CEP128: variants seen among roughly 807,000 people sequenced by gnomAD.
CEP128 encodes the protein centrosomal protein 128kDa.
CEP128 carries 132 observed loss-of-function variants against 156.7 expected under a neutral mutation model. That is an observed-to-expected ratio of 0.84 (90% CI 0.73 to 0.97). The LOEUF is 0.97. Ranked by LOEUF, CEP128 falls within the 50% of genes least tolerant of loss-of-function variation. CEP128 has a pLI of 0.00. For synonymous variants in CEP128, 469 were observed against 448.9 expected (o/e 1.04, Z -0.57); for missense variants, 1,252 against 1,281.9 (o/e 0.98, Z 0.36).
At position 80,833,532 on chromosome 14, in the gene CEP128, G is replaced by A. The variant is rs534017267; in HGVS notation, c.1058-2238C>T. On this transcript the variant is annotated intron_variant, in intron 12 of 24. Transcript: ENST00000555265. Reference sequence around the variant, plus strand: ...CTCCATTTTGGAGAATGCTTGGTCAGTATAGGATAGCAGTTAAGATCTCAA... The same window carrying A: ...CTCCATTTTGGAGAATGCTTGGTCAATATAGGATAGCAGTTAAGATCTCAA... 2.6e-5 allele frequency among the ~76,000 whole-genome samples: 4 copies of A among 152,052 alleles called. No individual in the cohort carries two copies. In the South Asian group the frequency reaches 6.2e-4, roughly 24 times the overall value.
intron 20 of CEP128, among the ~76,000 whole-genome samples, chr14:80,563,206 C>T (rs545313457): frequency 6.6e-6 from 1 of 152,182 alleles, no homozygotes; most frequent in Admixed American, 6.5e-5. Flanking sequence ...TCCCTGAACC[C>T]CACTCTCAAC....
At chr14:80,479,710 A>G (rs888947599) in intron 14 of CEP128, among the ~76,000 whole-genome samples, 1 of 152,066 alleles carries the variant, frequency 6.6e-6, no homozygotes, top group Non-Finnish European at 1.5e-5. Flanking sequence ...TTCAAAACCA[A>G]TCATGCTTTC....
intron 16 of CEP128, among the ~76,000 whole-genome samples, chr14:80,764,363 G>A (rs1366015664): frequency 6.6e-6 from 1 of 152,012 alleles, no homozygotes; most frequent in Non-Finnish European, 1.5e-5. Flanking sequence ...GCCGGGCGCG[G>A]TGGCAGGCGC....
intron 24 of CEP128, among the ~76,000 whole-genome samples, chr14:80,500,348 T>C (rs762727651): frequency 6.6e-6 from 1 of 152,194 alleles, no homozygotes; most frequent in Non-Finnish European, 1.5e-5. Context: ...AGTAAGGAGC[T>C]GACTGTTCTG....
At chr14:80,945,191 T>C (rs1489618252), upstream of CEP128, among the ~76,000 whole-genome samples, 1 of 152,158 alleles carries the variant, frequency 6.6e-6, no homozygotes, top group African/African-American at 2.4e-5. Flanking sequence ...GATCCATCTT[T>C]TCTCTGTATC....
At chr14:80,796,951 G>A (rs189006827) in intron 13 of CEP128, among the ~76,000 whole-genome samples, 313 of 152,316 alleles carry the variant, frequency 2.1e-3, no homozygotes, top group African/African-American at 6.9e-3. Context: ...AGGGAGGATG[G>A]AAATGAGCTG....
chr14:80,926,507 C>G (rs1421573549), intron 2 of CEP128, among the ~76,000 whole-genome samples: 1 of 152,184 alleles, frequency 6.6e-6, no homozygotes. Flanking sequence ...TGCACTCAAA[C>G]GTGGGGAGCC....
chr14:80,651,500 T>A (rs1337850092), intron 19 of CEP128, among the ~76,000 whole-genome samples: 1 of 152,124 alleles, frequency 6.6e-6, no homozygotes, highest in Non-Finnish European at 1.5e-5. Flanking sequence ...TTCTTTTAAT[T>A]GTGATGTTAG....
upstream of CEP128, among the ~76,000 whole-genome samples, chr14:80,943,298 T>A (rs992787436): frequency 6.6e-6 from 1 of 152,214 alleles, no homozygotes; most frequent in South Asian, 2.1e-4. Context: ...AATAAATGAT[T>A]ACAAATCTCT....
rs369229852 is a variant in CEP128 at position 80,895,735 on chromosome 14, C to T, written c.628G>A (p.Ala210Thr). The change falls in exon 8 of 25, where the codon GCC becomes ACC. Residue 210 changes from alanine to threonine, a missense_variant. Coordinates refer to ENST00000555265, the MANE Select transcript of CEP128 (RefSeq NM_152446.5). The part of the protein sequence containing the change: ...LEELTEKLNE[A>T]QKQEVVSDRV... ...GATCTCACCACTTCTTGTTTCTGGG[C>T]TTCATTAAGTTTTTCAGTCAATTCT... 8.3e-6 allele frequency: 13 copies of T among 1,567,748 alleles called. No homozygotes were observed. The highest frequency in any genetic ancestry group is 1.1e-5 in the Non-Finnish European group (13 of 1,157,230).
intron 21 of CEP128, among the ~76,000 whole-genome samples, chr14:80,532,396 G>A (rs1297493253): frequency 6.6e-6 from 1 of 152,034 alleles, no homozygotes; most frequent in South Asian, 2.1e-4. Context: ...TATTTTCTCA[G>A]TTAACTTTCC....
intron 8 of CEP128, among the ~76,000 whole-genome samples, chr14:80,891,107 T>C (rs1176032079): frequency 6.6e-6 from 1 of 152,130 alleles, no homozygotes; most frequent in East Asian, 1.9e-4. Context: ...TTGATGGGAA[T>C]GTAAATTAGT....
chr14:80,944,305 T>C (rs1403265575), upstream of CEP128, among the ~76,000 whole-genome samples: 3 of 152,234 alleles, frequency 2.0e-5, no homozygotes, highest in Non-Finnish European at 4.4e-5. Flanking sequence ...CCCCACATGT[T>C]GGGGGAGGAA....
chr14:80,613,007 ATTT>A (rs66946967), intron 19 of CEP128, among the ~76,000 whole-genome samples: 1,514 of 114,696 alleles, frequency 0.013, 25 homozygotes, highest in African/African-American at 0.043. Context: ...CACCCGGCGA[ATTT>A]TTTTTTTTTT....
chr14:80,553,733 A>C (rs1890311185), intron 21 of CEP128, among the ~76,000 whole-genome samples: 1 of 152,130 alleles, frequency 6.6e-6, no homozygotes, highest in Admixed American at 6.5e-5. Flanking sequence ...TTTCTCAGTA[A>C]TTGTTGCTTG....
At chr14:80,610,075 A>G (rs1160564397) in intron 19 of CEP128, among the ~76,000 whole-genome samples, 1 of 152,148 alleles carries the variant, frequency 6.6e-6, no homozygotes, top group African/African-American at 2.4e-5. Flanking sequence ...GTAGCACGTT[A>G]TATACCCATT....
intron 12 of CEP128, among the ~76,000 whole-genome samples, chr14:80,835,474 A>G (rs1319612382): frequency 6.6e-6 from 1 of 152,182 alleles, no homozygotes; most frequent in Non-Finnish European, 1.5e-5. Context: ...AGTACATCCA[A>G]CACTTACAAA....
chr14:80,863,262 T>C (rs1887606671), intron 8 of CEP128, among the ~76,000 whole-genome samples: 1 of 152,220 alleles, frequency 6.6e-6, no homozygotes, highest in Non-Finnish European at 1.5e-5. Flanking sequence ...TTGTTCGACC[T>C]AATTAGTCCT....
chr14:80,719,363 C>T (rs1897728876), intron 19 of CEP128, among the ~76,000 whole-genome samples: 1 of 152,206 alleles, frequency 6.6e-6, no homozygotes, highest in African/African-American at 2.4e-5. Flanking sequence ...TAAAAGACTG[C>T]TAACACCTCC....
Sources: gnomAD v4.1 joint callset for allele counts (sites outside exome capture counted in the v4.1 genomes callset) on GRCh38, gnomAD v4.1.1 for gene constraint, MANE v1.5 for transcripts, NCBI Gene and HGNC (gene_info 2026-07-23, HGNC 2026-07-21) for gene names.